Variants in DNMT3A observed in about 807,000 individuals in gnomAD.
DNMT3A encodes DNA (cytosine-5)-methyltransferase 3A.
DNMT3A carries 267 observed loss-of-function variants against 117.6 expected under a neutral mutation model. The ratio of observed to expected loss-of-function variants is 2.27; its 90% CI spans 2.05 to 2.51. DNMT3A has a LOEUF of 2.51. Among genes scored for constraint, DNMT3A ranks in the 30% most tolerant of loss-of-function variants. DNMT3A has a pLI of 0.00. For missense variants in DNMT3A, 1,029 were observed against 1,260.2 expected (o/e 0.82, Z 2.78); for synonymous variants, 432 against 474.8 (o/e 0.91, Z 1.17).
chr2:25,303,341 C>T (rs1573462351), intron 2 of DNMT3A, among the ~76,000 whole-genome samples: 2 of 152,238 alleles, frequency 1.3e-5, no homozygotes, highest in African/African-American at 4.8e-5. Flanking sequence ...CTTTGGGGGC[C>T]CCGACAGGCC....
Position 25,233,764 on chromosome 2 carries a change from TA to T in DNMT3A, c.*514del, listed in dbSNP as rs1314969886. ...GAGACAACAAAAAAAAGATATATAG[TA>T]AAAAAAAAAACCCAAAAAAAAAAAA... On this transcript the variant is annotated 3_prime_UTR_variant, in exon 23 of 23. Coordinates refer to ENST00000321117, the MANE Select transcript of DNMT3A (RefSeq NM_022552.5). 0.014 allele frequency: 879 copies of T among 63,128 alleles called. No individual in the cohort carries two copies. The highest frequency in any genetic ancestry group is 0.017 in the Non-Finnish European group (599 of 34,892). 3.9% of individuals were successfully genotyped at this position (63,128 alleles called of 1,614,324 possible).
In DNMT3A at chr2:25,311,210, A is replaced by G. The variant is rs2034097575; in HGVS notation, c.72+2703T>C. Among the ~76,000 whole-genome samples, 1 of 152,076 alleles carries G rather than the reference A, an allele frequency of 6.6e-6. No homozygotes were observed. Among genetic ancestry groups the G allele is most frequent in the African/African-American group, 2.4e-5 (1 of 41,404 alleles). On this transcript the variant is annotated intron_variant, in intron 2 of 22. Coordinates refer to ENST00000321117, the MANE Select transcript of DNMT3A (RefSeq NM_022552.5). This position sits in a 1 kb window ranked among gnomAD's most constrained non-coding sequence, Gnocchi z 5.2. ...GCAGTGGAAGGGCCATTGGTTGGCC[A>G]CACCCCTTCCATCTGGCTTGCCAAA...
Position 25,304,078 on chromosome 2 carries a change from G to A in DNMT3A, c.73-3835C>T, listed in dbSNP as rs1432340857. 6.6e-6 allele frequency among the ~76,000 whole-genome samples: 1 copy of A among 152,168 alleles called. No homozygotes were observed. The highest frequency in any genetic ancestry group is 1.9e-4 in the East Asian group (1 of 5,198). On this transcript the variant is annotated intron_variant, in intron 2 of 22. Transcript: ENST00000321117. The surrounding 1 kb of genome is among the most constrained non-coding windows in gnomAD (Gnocchi z 4.3). ...GGGACAGCTGAAGAACAGTAACACA[G>A]TTCGCGGGAACAGATTTGAGCCCAG...
chr2:25,240,810 C>CA, intron 17 of DNMT3A, 80 bp from the exon 18 acceptor site: 1 of 1,452,120 alleles, frequency 6.9e-7, no homozygotes, highest in East Asian at 2.3e-5. Context: ...TATCTGTGAA[C>CA]TTGGCAAAGA....
chr2:25,238,876 A>G (rs1218568600), intron 20 of DNMT3A, among the ~76,000 whole-genome samples: 1 of 152,010 alleles, frequency 6.6e-6, no homozygotes, highest in Non-Finnish European at 1.5e-5. Flanking sequence ...GCAGCACAGG[A>G]CTCTTCTTTG....
chr2:25,275,639 AGG>A, intron 4 of DNMT3A, 96 bp from the exon 5 acceptor site: 3 of 1,375,496 alleles, frequency 2.2e-6, no homozygotes, highest in Non-Finnish European at 2.9e-6. Flanking sequence ...TCCCTGCCAC[AGG>A]GGATGGGGGT....
chr2:25,321,623 G>A (rs1012755864), intron 1 of DNMT3A, among the ~76,000 whole-genome samples: 5 of 152,204 alleles, frequency 3.3e-5, no homozygotes, highest in African/African-American at 1.2e-4. Flanking sequence ...TTTTGAGGCT[G>A]GACACAATGG....
rs951569266 is a variant in DNMT3A at position 25,275,660 on chromosome 2, C to T, written c.449-117G>A. The T allele has an allele frequency of 3.9e-5, 44 of 1,123,818 alleles. No individual in the cohort carries two copies. In the Admixed American group the frequency reaches 1.0e-3, roughly 26 times the overall value. 69.6% of individuals were successfully genotyped at this position (1,123,818 alleles called of 1,614,324 possible). ...CCACAGGGGATGGGGGTCCTCTGGC[C>T]GTTTAGCTGTTCATGTGTTAAATAT... On this transcript the variant is annotated intron_variant, in intron 4 of 22. Transcript: ENST00000321117.
At position 25,329,672 on chromosome 2, in the gene DNMT3A, C is replaced by CA. The variant is rs1157528343; in HGVS notation, c.-178+12153_-178+12154insT. Reference sequence around the variant, plus strand: ...AGGAGTCTCTCACAGTCATGCAGACCCCACACACACACACACACACACACA... The same window carrying CA: ...AGGAGTCTCTCACAGTCATGCAGACCACCACACACACACACACACACACACA... On this transcript the variant is annotated intron_variant, in intron 1 of 22. Transcript: ENST00000321117. Among the ~76,000 whole-genome samples, 614 of 89,378 alleles carry CA rather than the reference C, an allele frequency of 6.9e-3. 17 individuals are homozygous for CA. The highest frequency in any genetic ancestry group is 0.031 in the South Asian group (88 of 2,846). The allele number at this position is 89,378 out of a possible 152,430, so 58.6% of individuals were successfully genotyped here. A position where few individuals can be genotyped will look rare whatever the true frequency, so the allele number is the denominator to read the frequency against.
In DNMT3A at chr2:25,279,055, A is replaced by G. The variant is rs538635126; in HGVS notation, c.448+3386T>C. 3.7e-4 allele frequency among the ~76,000 whole-genome samples: 56 copies of G among 152,268 alleles called. 1 individual carries two copies. Among genetic ancestry groups the G allele is most frequent in the African/African-American group, 1.1e-3 (45 of 41,542 alleles). On this transcript the variant is annotated intron_variant, in intron 4 of 22. Transcript: ENST00000321117. The stretch of plus-strand genomic sequence containing the variant: ...TGAGTAGCGAGGAGAGAGAATGCCC[A>G]ATACAGTCAATACTCAATAAGGGAA...
At chr2:25,245,870 A>G in intron 12 of DNMT3A, 150 bp downstream of exon 12, 1 of 1,049,916 alleles carries the variant, frequency 9.5e-7, no homozygotes, top group South Asian at 1.4e-5. Flanking sequence ...ATGGCACCAG[A>G]AAGACAGACA....
At chr2:25,303,659 G>C (rs1042151988) in intron 2 of DNMT3A, among the ~76,000 whole-genome samples, 2 of 152,254 alleles carry the variant, frequency 1.3e-5, no homozygotes, top group African/African-American at 4.8e-5. Context: ...AGCCAGGTCT[G>C]AACAACTCCT....
rs1425090199 is a variant in DNMT3A at position 25,281,375 on chromosome 2, T to C, written c.448+1066A>G. 4.5e-6 allele frequency: 4 copies of C among 889,936 alleles called. No homozygotes were observed. In the South Asian group the frequency reaches 1.6e-4, roughly 35 times the overall value. The allele number at this position is 889,936 out of a possible 1,614,324, so 55.1% of individuals were successfully genotyped here. ...GAGTAAATAAAACAACTAATACAGATTCCCTCTGTAGTGTTCTGCACATAG... is the reference window on the plus strand; with the variant it reads ...GAGTAAATAAAACAACTAATACAGACTCCCTCTGTAGTGTTCTGCACATAG... On this transcript the variant is annotated intron_variant, in intron 4 of 22. Coordinates refer to ENST00000321117, the MANE Select transcript of DNMT3A (RefSeq NM_022552.5). The surrounding 1 kb of genome is among the most constrained non-coding windows in gnomAD (Gnocchi z 4.8).
chr2:25,240,249 G>C (rs1673818992), intron 19 of DNMT3A, 53 bp downstream of exon 19: 3 of 1,611,266 alleles, frequency 1.9e-6, no homozygotes, highest in Non-Finnish European at 2.5e-6. Context: ...TGAAGCAGCA[G>C]TCCAAGGTAG....
intron 6 of DNMT3A, among the ~76,000 whole-genome samples, chr2:25,269,218 A>G (rs552007144): frequency 6.6e-6 from 1 of 152,318 alleles, no homozygotes; most frequent in East Asian, 1.9e-4. Flanking sequence ...GCTACTGGGA[A>G]GGCTGAGGCG....
intron 2 of DNMT3A, among the ~76,000 whole-genome samples, chr2:25,308,941 G>A (rs1262311300): frequency 6.6e-6 from 1 of 150,632 alleles, no homozygotes; most frequent in East Asian, 2.0e-4. Context: ...AGGAGGAACC[G>A]CAGCCCCAAT....
chr2:25,247,669 A>G lies in DNMT3A; in HGVS notation c.936T>C (p.Ser312=). ...GFSWWPGRIV[S]WWMTGRSRAA... is the part of the protein sequence containing the mutation. ...CTCGGCTCCGGCCCGTCATCCACCA[A>G]GACACAATGCGGCCTGGCCACCAGG... is the stretch of plus-strand genomic sequence containing the variant. The change falls in exon 8 of 23, where the codon TCT becomes TCC. Residue 312 remains serine, a synonymous_variant. Coordinates refer to ENST00000321117, the MANE Select transcript of DNMT3A (RefSeq NM_022552.5). This position sits in a 1 kb window ranked among gnomAD's most constrained non-coding sequence, Gnocchi z 5.6. The G allele has an allele frequency of 6.2e-7, 1 of 1,613,974 alleles. No homozygotes were observed. The highest frequency in any genetic ancestry group is 8.5e-7 in the Non-Finnish European group (1 of 1,180,008).
chr2:25,234,064 A>G lies in DNMT3A; in HGVS notation c.*215T>C. 1.6e-6 allele frequency: 1 copy of G among 621,524 alleles called. No homozygotes were observed. The allele number at this position is 621,524 out of a possible 1,614,324, so 38.5% of individuals were successfully genotyped here. ...TTTTGTTTTTAAATAGGACTGAAGA[A>G]TAACATTGAAAAATCAGGAGATGAT... On this transcript the variant is annotated 3_prime_UTR_variant, in exon 23 of 23. Transcript: ENST00000321117. The surrounding 1 kb of genome is among the most constrained non-coding windows in gnomAD (Gnocchi z 4.5).
intron 16 of DNMT3A, 83 bp from the exon 17 acceptor site, chr2:25,241,790 A>G: frequency 1.9e-6 from 3 of 1,552,402 alleles, no homozygotes; most frequent in Non-Finnish European, 2.6e-6. Context: ...GCTGGCCAAC[A>G]GGACCCATGG....
Sources: allele counts gnomAD v4.1 joint callset (sites outside exome capture counted in the v4.1 genomes callset), GRCh38; gene constraint gnomAD v4.1.1; non-coding constraint Gnocchi (gnomAD v3.1); transcripts MANE v1.5; gene names NCBI Gene and HGNC (gene_info 2026-07-23, HGNC 2026-07-21).